The following CYP7B1 variants were observed in gnomAD, a reference collection of about 807,000 sequenced individuals.
The protein encoded by CYP7B1 is cytochrome P450 family 7 subfamily B member 1, also known as cytochrome P450 7B1.
Under a neutral mutation model 42.7 loss-of-function variants are expected in CYP7B1, and 29 were observed. That is an observed-to-expected ratio of 0.68 (90% CI 0.51 to 0.93). The LOEUF is 0.93. Among genes scored for constraint, CYP7B1 ranks in the 40% least tolerant of loss-of-function variants. The pLI, the probability that CYP7B1 is intolerant of heterozygous loss-of-function variation, is 0.00. For synonymous variants in CYP7B1, 235 were observed against 218.2 expected (o/e 1.08, Z -0.68); for missense variants, 655 against 600.5 (o/e 1.09, Z -0.95).
rs762579939 is a variant in CYP7B1, at chr8:64,616,197, G to A, written c.344C>T (p.Ser115Phe). 2.5e-6 allele frequency: 4 copies of A among 1,610,644 alleles called. No individual in the cohort carries two copies. The highest frequency in any genetic ancestry group is 3.4e-6 in the Non-Finnish European group (4 of 1,178,502). ...NHKQLSFRVF[S>F]NKLLEKAFSI... The stretch of plus-strand genomic sequence containing the variant: ...AAATGCTTTCTCTAATAATTTATTA[G>A]AAAATACTCGAAAGCTTAATTGTTT... The change falls in exon 3 of 6, where the codon TCT becomes TTT. Residue 115 changes from serine to phenylalanine, a missense_variant. Physicochemically the swap from Ser to Phe is radical, Grantham distance 155. Transcript: ENST00000310193.
intron 1 of CYP7B1, among the ~76,000 whole-genome samples, chr8:64,661,401 A>T (rs1480653059): frequency 6.6e-6 from 1 of 152,138 alleles, no homozygotes; most frequent in East Asian, 1.9e-4. Context: ...CAGCTCAAGA[A>T]CTTTGGTGCG....
intron 1 of CYP7B1, among the ~76,000 whole-genome samples, chr8:64,728,470 T>G (rs1342665189): frequency 6.6e-6 from 1 of 152,180 alleles, no homozygotes; most frequent in Non-Finnish European, 1.5e-5. Flanking sequence ...TGTTAGCCCC[T>G]TATCTCAGAT....
intron 1 of CYP7B1, among the ~76,000 whole-genome samples, chr8:64,787,232 T>C (rs926409039): frequency 5.1e-5 from 7 of 138,506 alleles, no homozygotes; most frequent in Non-Finnish European, 9.2e-5. Flanking sequence ...CTTGAGTTTC[T>C]CTAAAATGTT....
At chr8:64,673,131 G>A (rs1180677838) in intron 1 of CYP7B1, among the ~76,000 whole-genome samples, 1 of 152,006 alleles carries the variant, frequency 6.6e-6, no homozygotes, top group Non-Finnish European at 1.5e-5. Context: ...CATCTTTTGT[G>A]GGTGCTGGTA....
intron 1 of CYP7B1, among the ~76,000 whole-genome samples, chr8:64,692,083 C>T (rs1159438026): frequency 2.0e-5 from 3 of 152,108 alleles, no homozygotes; most frequent in Non-Finnish European, 2.9e-5. Context: ...GAAATGAATA[C>T]GCATATGCTA....
chr8:64,616,310 T>C (rs1340776746), intron 2 of CYP7B1, 29 bp from the exon 3 acceptor site: 8 of 1,336,196 alleles, frequency 6.0e-6, no homozygotes, highest in Non-Finnish European at 8.3e-6. Flanking sequence ...AGAGAAAATA[T>C]GAGTTCGTTT....
rs555338276 is a variant in CYP7B1, at chr8:64,613,449, C to T, written c.1057+1577G>A. Among the ~76,000 whole-genome samples, 141 of 152,178 alleles carry T rather than the reference C, an allele frequency of 9.3e-4. 1 individual carries two copies. The highest frequency in any genetic ancestry group is 1.1e-3 in the Non-Finnish European group (78 of 67,988). ...GAGTAATAACTATACAGAATACAAA[C>T]ACATATTCCTTTTAGTGTATTTGCC... On this transcript the variant is annotated intron_variant, in intron 4 of 5. Transcript: ENST00000310193.
intron 1 of CYP7B1, among the ~76,000 whole-genome samples, chr8:64,688,636 G>C (rs890029014): frequency 6.6e-6 from 1 of 152,092 alleles, no homozygotes; most frequent in Non-Finnish European, 1.5e-5. Context: ...AAAAATTGTT[G>C]ATTTAGGGCC....
rs201867790 is a variant in CYP7B1 at position 64,615,154 on chromosome 8, C to T, written c.929G>A (p.Arg310Gln). The T allele has an allele frequency of 1.8e-4, 296 of 1,613,492 alleles. No homozygotes were observed. The highest frequency in any genetic ancestry group is 2.4e-4 in the Non-Finnish European group (285 of 1,179,760). ...TMFWAMYYLL[R>Q]HPEAMAAVRD... ...CACTGCTGCCATAGCTTCTGGGTGC[C>T]GCAGAAGATAATACATTGCCCAGAA... The change falls in exon 4 of 6, where the codon CGG (arginine) becomes CAG (glutamine). Residue 310 changes from arginine to glutamine, a missense_variant. By Grantham distance (43) the Arg-to-Gln change is conservative (BLOSUM62 1). Coordinates refer to ENST00000310193, the MANE Select transcript of CYP7B1 (RefSeq NM_004820.5).
At chr8:64,748,289 T>TC (rs572119688) in intron 1 of CYP7B1, among the ~76,000 whole-genome samples, 4 of 151,980 alleles carry the variant, frequency 2.6e-5, no homozygotes, top group Non-Finnish European at 4.4e-5. Flanking sequence ...AGACAGACAC[T>TC]CCCCCGTCTA....
intron 1 of CYP7B1, among the ~76,000 whole-genome samples, chr8:64,774,031 T>C (rs950330352): frequency 6.6e-6 from 1 of 152,194 alleles, no homozygotes; most frequent in African/African-American, 2.4e-5. Context: ...TAGCACCTAG[T>C]ACGGTCCTTC....
chr8:64,607,977 G>A (rs549871372), intron 4 of CYP7B1, among the ~76,000 whole-genome samples: 2 of 152,196 alleles, frequency 1.3e-5, no homozygotes, highest in African/African-American at 4.8e-5. Flanking sequence ...CCTGTGAGTT[G>A]TTAAGAACTG....
At chr8:64,664,191 G>C (rs555593904) in intron 1 of CYP7B1, among the ~76,000 whole-genome samples, 1 of 152,080 alleles carries the variant, frequency 6.6e-6, no homozygotes, top group Non-Finnish European at 1.5e-5. Context: ...ACACACACAC[G>C]TGTGTGCTGG....
At chr8:64,715,413 A>G (rs1022363125) in intron 1 of CYP7B1, among the ~76,000 whole-genome samples, 22 of 152,198 alleles carry the variant, frequency 1.4e-4, no homozygotes, top group Admixed American at 1.3e-4. Context: ...AAATTAGCAC[A>G]CAACACTTTT....
intron 1 of CYP7B1, among the ~76,000 whole-genome samples, chr8:64,781,692 T>A (rs1409036818): frequency 1.3e-5 from 2 of 152,180 alleles, no homozygotes; most frequent in African/African-American, 2.4e-5. Context: ...TAATCCCCTA[T>A]TTTAAGGTCA....
At chr8:64,700,265 T>G (rs58668371) in intron 1 of CYP7B1, among the ~76,000 whole-genome samples, 12,266 of 152,110 alleles carry the variant, frequency 0.081, 743 homozygotes, top group African/African-American at 0.16. Context: ...TTGGCAATTT[T>G]GACATCAGTC....
chr8:64,640,018 A>C (rs1468899600), intron 1 of CYP7B1, among the ~76,000 whole-genome samples: 2 of 152,154 alleles, frequency 1.3e-5, no homozygotes, highest in Non-Finnish European at 2.9e-5. Context: ...ACATTGATTA[A>C]ACCCCCAAAA....
chr8:64,604,815 G>A lies in CYP7B1; in HGVS notation c.1100C>T (p.Thr367Ile), dbSNP rs999676674. The A allele has an allele frequency of 5.6e-6, 9 of 1,614,032 alleles. No individual in the cohort carries two copies. In the African/African-American group the frequency reaches 9.3e-5, roughly 17 times the overall value. The change falls in exon 5 of 6, where the codon ACC (threonine) becomes ATC (isoleucine). Residue 367 changes from threonine to isoleucine, a missense_variant. Physicochemically the swap from Thr to Ile is moderately conservative, Grantham distance 89. Transcript: ENST00000310193. ...ATCCTCCTCAACAAAACGAATGGTG[G>A]TTGAATATGAGGACAGTCGTAAAGC... ...FEALRLSSYS[T>I]TIRFVEEDLT...
At chr8:64,589,965 A>G (rs1370244165), downstream of CYP7B1, 2 of 152,260 alleles carry the variant, frequency 1.3e-5, no homozygotes, top group Non-Finnish European at 2.9e-5. Flanking sequence ...ACAATAAACA[A>G]TTAACAGTAA....
Sources: allele counts gnomAD v4.1 joint callset (sites outside exome capture counted in the v4.1 genomes callset), GRCh38; gene constraint gnomAD v4.1.1; transcripts MANE v1.5; gene names NCBI Gene and HGNC (gene_info 2026-07-23, HGNC 2026-07-21).